Variants in HAUS3 observed in about 807,000 individuals in gnomAD.
The protein encoded by HAUS3 is HAUS augmin-like complex subunit 3.
In HAUS3, 36 loss-of-function variants were observed where a neutral mutation model predicts 55.2. The ratio of observed to expected loss-of-function variants is 0.65; its 90% confidence interval spans 0.50 to 0.86. HAUS3 has a LOEUF of 0.86. Among genes scored for constraint, HAUS3 ranks in the 40% least tolerant of loss-of-function variants. HAUS3 has a pLI of 0.00. For synonymous variants in HAUS3, 234 were observed against 238.6 expected, an observed-to-expected ratio of 0.98 and a Z score of 0.18; for missense variants, 752 against 671.5, an observed-to-expected ratio of 1.12 and a Z score of -1.33.
chr4:2,240,241 C>T lies in HAUS3; in HGVS notation c.706G>A (p.Asp236Asn). 2 of 1,613,618 alleles carry T rather than the reference C, an allele frequency of 1.2e-6. No individual in the cohort carries two copies. The highest frequency in any genetic ancestry group is 1.7e-6 in the Non-Finnish European group (2 of 1,179,710). Residue 236 changes from aspartate (D) to asparagine (N), a missense_variant, in exon 3 of 6, where the codon GAC (aspartate) becomes AAC (asparagine). By Grantham distance (23) the Asp-to-Asn change is conservative. Transcript: ENST00000443786. ...TGTATATCTAAAAGTTGAAAATTGT[C>T]TTCATTTGAACTTTCAACTACTTCA... The part of the protein sequence containing the change: ...IHEVVESSNE[D>N]NFQLLDIQTP...
intron 5 of HAUS3, among the ~76,000 whole-genome samples, chr4:2,232,705 A>G (rs951011155): frequency 6.6e-6 from 1 of 151,002 alleles, no homozygotes; most frequent in Non-Finnish European, 1.5e-5. Context: ...TCCTAATCAT[A>G]TAATTTTCCT....
chr4:2,238,555 G>T, intron 4 of HAUS3, 49 bp downstream of exon 4: 2 of 1,270,896 alleles, frequency 1.6e-6, no homozygotes, highest in Non-Finnish European at 2.1e-6. Context: ...CTAGTATTTC[G>T]CAAAAACAAA....
Position 2,236,419 on chromosome 4 carries a change from C to CT in HAUS3, c.1386dup (p.Glu463ArgfsTer10), listed in dbSNP as rs1560104524. On this transcript the variant is annotated frameshift_variant, in exon 5 of 6. Coordinates refer to ENST00000443786, the MANE Select transcript of HAUS3 (RefSeq NM_001303143.2). LOFTEE classifies it high-confidence loss of function. ...AGGTTTCCATGAGTTAGAAACAATT[C>CT]TTTTTTCTTATTCTCTCCCTCCAAA... 2 of 1,613,022 alleles carry CT rather than the reference C, an allele frequency of 1.2e-6. No individual in the cohort carries two copies. The highest frequency in any genetic ancestry group is 1.7e-6 in the Non-Finnish European group (2 of 1,179,382).
chr4:2,235,230 A>G (rs1734719001), intron 5 of HAUS3, among the ~76,000 whole-genome samples: 1 of 152,272 alleles, frequency 6.6e-6, no homozygotes, highest in South Asian at 2.1e-4. Flanking sequence ...AAATTTTTAA[A>G]TCCACCATCG....
At position 2,228,979 on chromosome 4, in the gene HAUS3, G is replaced by GT; in HGVS notation, c.*2947dup. 1.0e-6 allele frequency: 1 copy of GT among 990,430 alleles called. No individual in the cohort carries two copies. The highest frequency in any genetic ancestry group is 1.8e-5 in the South Asian group (1 of 55,660). The allele number at this position is 990,430 out of a possible 1,614,324, so 61.4% of individuals were successfully genotyped here. A position where few individuals can be genotyped will look rare whatever the true frequency, so the allele number is the denominator to read the frequency against. The stretch of plus-strand genomic sequence containing the variant: ...GAAGCTCAGTCTGCACTGAATGAGT[G>GT]TAAAAGGGGCGGGAGCTGGGCTTCA... On this transcript the variant is annotated 3_prime_UTR_variant, in exon 6 of 6. Transcript: ENST00000443786.
Position 2,228,902 on chromosome 4 carries a change from T to A in HAUS3, c.*3025A>T. On this transcript the variant is annotated 3_prime_UTR_variant, in exon 6 of 6. Coordinates refer to ENST00000443786, the MANE Select transcript of HAUS3 (RefSeq NM_001303143.2). Reference sequence around the variant, plus strand: ...GAAATACCTGGAATAAGGAAGAGAGTGTTACATTTTTAAAGCAATGAAGGT... The same window carrying A: ...GAAATACCTGGAATAAGGAAGAGAGAGTTACATTTTTAAAGCAATGAAGGT... 1 of 442,756 alleles carries A rather than the reference T, an allele frequency of 2.3e-6. No homozygotes were observed. The allele number at this position is 442,756 out of a possible 1,614,324, so 27.4% of individuals were successfully genotyped here. A position where few individuals can be genotyped will look rare whatever the true frequency, so the allele number is the denominator to read the frequency against.
Position 2,240,609 on chromosome 4 carries a change from T to C in HAUS3, c.338A>G (p.Lys113Arg). Reference protein sequence around the residue: ...EDEVQTLLKLKNLKIQRRNKC... With the variant: ...EDEVQTLLKLRNLKIQRRNKC... ...ATTACGTCGCTGAATTTTTAGGTTCTTTAATTTCAGTAGAGTTTGAACCTC... is the reference window on the plus strand; with the variant it reads ...ATTACGTCGCTGAATTTTTAGGTTCCTTAATTTCAGTAGAGTTTGAACCTC... The change falls in exon 3 of 6, where the codon AAG becomes AGG. Residue 113 changes from lysine (K) to arginine (R), a missense_variant. Physicochemically the swap from Lys to Arg is conservative, Grantham distance 26 (BLOSUM62 2). Transcript: ENST00000443786. 1 of 1,613,120 alleles carries C rather than the reference T, an allele frequency of 6.2e-7. No individual in the cohort carries two copies. The highest frequency in any genetic ancestry group is 1.1e-5 in the South Asian group (1 of 90,744).
In HAUS3 at chr4:2,241,509, T is replaced by G. The variant is rs1459508341; in HGVS notation, c.-148+11A>C. Reference sequence around the variant, plus strand: ...CATGGCACATCTTCTGAAGATCAACTAAATATTTACCTCAACGTCTCGCCG... The same window carrying G: ...CATGGCACATCTTCTGAAGATCAACGAAATATTTACCTCAACGTCTCGCCG... On this transcript the variant is annotated intron_variant, in intron 2 of 5. Coordinates refer to ENST00000443786, the MANE Select transcript of HAUS3 (RefSeq NM_001303143.2). 1.0e-5 allele frequency: 10 copies of G among 985,582 alleles called. No individual in the cohort carries two copies. In the South Asian group the frequency reaches 4.7e-4, roughly 46 times the overall value. The allele number at this position is 985,582 out of a possible 1,614,324, so 61.1% of individuals were successfully genotyped here. A position where few individuals can be genotyped will look rare whatever the true frequency, so the allele number is the denominator to read the frequency against.
In HAUS3 at chr4:2,237,086, G is replaced by A. The variant is rs574548887; in HGVS notation, c.1350-630C>T. 1.6e-3 allele frequency among the ~76,000 whole-genome samples: 247 copies of A among 151,916 alleles called. 1 individual carries two copies. Among genetic ancestry groups the A allele is most frequent in the African/African-American group, 5.7e-3 (237 of 41,396 alleles). On this transcript the variant is annotated intron_variant, in intron 4 of 5. Transcript: ENST00000443786. ...CTTCTTAACTTTAACTGCCACTAAC[G>A]TACTTCAAAGTGCACTTCAGAGATA... is the stretch of plus-strand genomic sequence containing the variant.
chr4:2,239,779 G>A (rs972920368), intron 3 of HAUS3, among the ~76,000 whole-genome samples: 5 of 152,026 alleles, frequency 3.3e-5, no homozygotes, highest in African/African-American at 7.3e-5. Context: ...TTTAAAATTC[G>A]GAATGCAAAT....
In HAUS3 at chr4:2,236,580, C is replaced by T. The variant is rs1269204619; in HGVS notation, c.1350-124G>A. 7.3e-6 allele frequency: 5 copies of T among 682,168 alleles called. No homozygotes were observed. In the Admixed American group the frequency reaches 1.0e-4, roughly 14 times the overall value. 42.3% of individuals were successfully genotyped at this position (682,168 alleles called of 1,614,324 possible). A position where few individuals can be genotyped will look rare whatever the true frequency, so the allele number is the denominator to read the frequency against. On this transcript the variant is annotated intron_variant, in intron 4 of 5. Transcript: ENST00000443786. ...AGTAACAACTTATAAAAATATTGGCCGGGTACAGTAGCTCACGCCTGTAAT... is the reference window on the plus strand; with the variant it reads ...AGTAACAACTTATAAAAATATTGGCTGGGTACAGTAGCTCACGCCTGTAAT...
At position 2,232,030 on chromosome 4, in the gene HAUS3, C is replaced by T. The variant is rs1040362356; in HGVS notation, c.1709G>A (p.Arg570Lys). Reference protein sequence around the residue: ...LANNKLHQMEREFYVYFLKDE... With the variant: ...LANNKLHQMEKEFYVYFLKDE... ...TTTTAAAAAATATACATAGAATTCTCTTTCCATTTGATGTAATTTATTATT... is the reference window on the plus strand; with the variant it reads ...TTTTAAAAAATATACATAGAATTCTTTTTCCATTTGATGTAATTTATTATT... Residue 570 changes from arginine (R) to lysine (K), a missense_variant, in exon 6 of 6, where the codon AGA (arginine) becomes AAA (lysine). By Grantham distance (26) the Arg-to-Lys change is conservative. Coordinates refer to ENST00000443786, the MANE Select transcript of HAUS3 (RefSeq NM_001303143.2). The T allele has an allele frequency of 8.9e-5, 135 of 1,517,406 alleles. No homozygotes were observed. Among genetic ancestry groups the T allele is most frequent in the Non-Finnish European group, 1.1e-4 (118 of 1,098,270 alleles). 94.0% of individuals were successfully genotyped at this position (1,517,406 alleles called of 1,614,324 possible).
At chr4:2,241,199 A>G in intron 2 of HAUS3, 106 bp from the exon 3 acceptor site, 1 of 380,762 alleles carries the variant, frequency 2.6e-6, no homozygotes, top group Non-Finnish European at 4.6e-6. Context: ...GATAAATGAC[A>G]GGTAGTCGTA....
chr4:2,239,351 T>C (rs1260801560), intron 3 of HAUS3, among the ~76,000 whole-genome samples: 5 of 152,220 alleles, frequency 3.3e-5, no homozygotes, highest in African/African-American at 4.8e-5. Flanking sequence ...AATCCAAGTA[T>C]ATGTTACTAG....
rs1734917786 is a variant in HAUS3 at position 2,240,128 on chromosome 4, T to A, written c.819A>T (p.Gln273His). Residue 273 changes from glutamine (Q) to histidine (H), a missense_variant, in exon 3 of 6, where the codon CAA (glutamine) becomes CAT (histidine). Physicochemically the swap from Gln to His is conservative, Grantham distance 24. Transcript: ENST00000443786. Reference protein sequence around the residue: ...ARLQLAYICAQHQLIHLKASN... With the variant: ...ARLQLAYICAHHQLIHLKASN... ...TTGCTTTTAAGTGAATTAACTGATG[T>A]TGAGCACAAATGTATGCGAGCTGCA... The A allele has an allele frequency of 1.2e-6, 2 of 1,614,024 alleles. No homozygotes were observed. Among genetic ancestry groups the A allele is most frequent in the Non-Finnish European group, 8.5e-7 (1 of 1,179,882 alleles).
chr4:2,229,150 T>G lies in HAUS3; in HGVS notation c.*2777A>C. On this transcript the variant is annotated 3_prime_UTR_variant, in exon 6 of 6. Transcript: ENST00000443786. The stretch of plus-strand genomic sequence containing the variant: ...GAATCCACTAAATCACCTGAATGCA[T>G]AGCAGACATAATCTTCTGAGCAACA... The G allele has an allele frequency of 6.2e-7, 1 of 1,610,732 alleles. No individual in the cohort carries two copies. Among genetic ancestry groups the G allele is most frequent in the Non-Finnish European group, 8.5e-7 (1 of 1,176,942 alleles).
rs1400786524 is a variant in HAUS3 at position 2,230,698 on chromosome 4, C to G, written c.*1229G>C. ...AAAATTCCATAAAGACCACCCAAAA[C>G]ATGTAGTTTTTAGATTGGCATTCCA... On this transcript the variant is annotated 3_prime_UTR_variant, in exon 6 of 6. Coordinates refer to ENST00000443786, the MANE Select transcript of HAUS3 (RefSeq NM_001303143.2). 6.6e-6 allele frequency: 1 copy of G among 151,854 alleles called. No homozygotes were observed. The highest frequency in any genetic ancestry group is 6.6e-5 in the Admixed American group (1 of 15,222). 9.4% of individuals were successfully genotyped at this position (151,854 alleles called of 1,614,324 possible). A position where few individuals can be genotyped will look rare whatever the true frequency, so the allele number is the denominator to read the frequency against.
At position 2,238,954 on chromosome 4, in the gene HAUS3, G is replaced by A; in HGVS notation, c.999C>T (p.Asp333=). Residue 333 remains aspartate (D), a synonymous_variant, in exon 4 of 6, where the codon GAC becomes GAT. Transcript: ENST00000443786. ...CTCTTACCACAGCAGGTAAACTTCT[G>A]TCTTTTATTTGAGTGACCTCTTTTT... ...KLEKEVTQIK[D]RSLPAVVREN... The A allele has an allele frequency of 3.1e-6, 5 of 1,599,770 alleles. No homozygotes were observed. Among genetic ancestry groups the A allele is most frequent in the Non-Finnish European group, 4.3e-6 (5 of 1,175,184 alleles).
At chr4:2,239,258 T>C (rs374343814) in intron 3 of HAUS3, among the ~76,000 whole-genome samples, 1 of 152,214 alleles carries the variant, frequency 6.6e-6, no homozygotes, top group Non-Finnish European at 1.5e-5. Context: ...ATTACTACCA[T>C]ATATATAGTA....
Sources: allele counts gnomAD v4.1 joint callset (sites outside exome capture counted in the v4.1 genomes callset), GRCh38; gene constraint gnomAD v4.1.1; transcripts MANE v1.5; gene names NCBI Gene and HGNC (gene_info 2026-07-23, HGNC 2026-07-21).